Variants in ADGB observed in about 807,000 individuals in gnomAD.
ADGB encodes calpain-7-like protein.
In ADGB, 172 loss-of-function variants were observed where a neutral mutation model predicts 210.5. That is an observed-to-expected ratio of 0.82 (90% CI 0.72 to 0.93). The LOEUF (loss-of-function observed/expected upper bound fraction) is 0.93. ADGB is among the 40% of genes least tolerant of loss of function. The pLI, the probability that ADGB is intolerant of heterozygous loss-of-function variation, is 0.00. For missense variants in ADGB, 2,025 were observed against 1,964.8 expected (o/e 1.03, Z -0.58); for synonymous variants, 658 against 662.7 (o/e 0.99, Z 0.11).
intron 25 of ADGB, among the ~76,000 whole-genome samples, chr6:146,743,135 G>C (rs1348833595): frequency 6.6e-6 from 1 of 152,016 alleles, no homozygotes; most frequent in Non-Finnish European, 1.5e-5. Flanking sequence ...ACTTCCTTTT[G>C]AATAGAAACA....
intron 5 of ADGB, among the ~76,000 whole-genome samples, chr6:146,663,077 AT>A (rs1775885832): frequency 7.0e-6 from 1 of 143,716 alleles, no homozygotes; most frequent in Non-Finnish European, 1.5e-5. Context: ...AAGGTCATAT[AT>A]TTATATAATT....
chr6:146,642,681 T>C (rs989428055), intron 2 of ADGB, among the ~76,000 whole-genome samples: 1 of 151,930 alleles, frequency 6.6e-6, no homozygotes, highest in African/African-American at 2.4e-5. Flanking sequence ...ATACCACACA[T>C]TCTCACTTCT....
At position 146,741,265 on chromosome 6, in the gene ADGB, G is replaced by C; in HGVS notation, c.3171G>C (p.Lys1057Asn). The change falls in exon 25 of 36, where the codon AAG becomes AAC. Residue 1057 changes from lysine to asparagine, a missense_variant. Coordinates refer to ENST00000397944, the MANE Select transcript of ADGB (RefSeq NM_024694.4). ...FQKVVPYLYT[K>N]NKKGYTFVAE... is the part of the protein sequence containing the mutation. The stretch of plus-strand genomic sequence containing the variant: ...AAGTGGTGCCTTATCTTTATACCAA[G>C]AATAAGGTAGGTATAAAATTTATTC... The C allele has an allele frequency of 6.5e-7, 1 of 1,550,116 alleles. No homozygotes were observed. Among genetic ancestry groups the C allele is most frequent in the Non-Finnish European group, 8.7e-7 (1 of 1,146,266 alleles).
At chr6:146,730,999 G>T (rs1037348843) in intron 20 of ADGB, among the ~76,000 whole-genome samples, 6 of 152,150 alleles carry the variant, frequency 3.9e-5, no homozygotes, top group Non-Finnish European at 8.8e-5. Context: ...AACAGAGAGA[G>T]ATAACTTATC....
intron 1 of ADGB, among the ~76,000 whole-genome samples, chr6:146,633,221 G>A (rs997894755): frequency 6.6e-6 from 1 of 152,082 alleles, no homozygotes; most frequent in Non-Finnish European, 1.5e-5. Flanking sequence ...TAAAGTATAT[G>A]CAGAATCTAT....
chr6:146,775,990 T>C (rs1277226350), intron 29 of ADGB, among the ~76,000 whole-genome samples: 1 of 152,108 alleles, frequency 6.6e-6, no homozygotes. Flanking sequence ...ATTTTAATCA[T>C]AAAAACAAAA....
intron 35 of ADGB, among the ~76,000 whole-genome samples, chr6:146,807,989 TCA>T (rs1161559437): frequency 7.2e-6 from 1 of 139,434 alleles, no homozygotes; most frequent in Non-Finnish European, 1.5e-5. Context: ...TAACTATGCT[TCA>T]GTTTTTTTTT....
chr6:146,672,129 C>A, intron 7 of ADGB, 91 bp from the exon 8 acceptor site: 7 of 1,376,706 alleles, frequency 5.1e-6, no homozygotes, highest in Non-Finnish European at 6.7e-6. Flanking sequence ...CATTAAATAG[C>A]AAGTTGATTT....
intron 29 of ADGB, among the ~76,000 whole-genome samples, chr6:146,771,906 G>C (rs1777657865): frequency 6.6e-6 from 1 of 152,180 alleles, no homozygotes; most frequent in African/African-American, 2.4e-5. Flanking sequence ...CAATGGATCA[G>C]AGAATGACAG....
intron 25 of ADGB, among the ~76,000 whole-genome samples, chr6:146,743,574 C>T (rs896234349): frequency 6.6e-6 from 1 of 152,180 alleles, no homozygotes; most frequent in Non-Finnish European, 1.5e-5. Context: ...CTTCCTGTCT[C>T]ATATTTTATC....
intron 27 of ADGB, among the ~76,000 whole-genome samples, chr6:146,755,038 T>C (rs968166021): frequency 3.9e-5 from 6 of 152,086 alleles, no homozygotes; most frequent in African/African-American, 1.4e-4. Context: ...GTTTTACATA[T>C]GTATATGCTA....
intron 26 of ADGB, among the ~76,000 whole-genome samples, chr6:146,747,231 T>C (rs1583619836): frequency 6.6e-6 from 1 of 152,224 alleles, no homozygotes; most frequent in South Asian, 2.1e-4. Flanking sequence ...CTCTTTTTAA[T>C]ATACACTTCT....
intron 16 of ADGB, among the ~76,000 whole-genome samples, chr6:146,718,660 T>G (rs1206745034): frequency 6.6e-6 from 1 of 152,218 alleles, no homozygotes; most frequent in Non-Finnish European, 1.5e-5. Context: ...TTACATGTTG[T>G]CCTGTCATAG....
In ADGB at chr6:146,599,098, T is replaced by C. The variant is rs566840991; in HGVS notation, c.58T>C (p.Ser20Pro). The C allele has an allele frequency of 3.2e-6, 5 of 1,551,648 alleles. No individual in the cohort carries two copies. In the African/African-American group the frequency reaches 6.8e-5, roughly 21 times the overall value. ...GCATCGTATCAACTCGGCGCACGGA[T>C]CGGATAAATCGAAAGAGTAAGGGAC... Reference protein sequence around the residue: ...EVHRINSAHGSDKSKDFYPFG... With the variant: ...EVHRINSAHGPDKSKDFYPFG... Residue 20 changes from serine (S) to proline (P), a missense_variant, in exon 1 of 36, where the codon TCG becomes CCG. Ser to Pro is a moderately conservative substitution (Grantham distance 74, BLOSUM62 -1). Transcript: ENST00000397944.
At chr6:146,622,368 C>T (rs529166665) in intron 1 of ADGB, among the ~76,000 whole-genome samples, 1 of 152,182 alleles carries the variant, frequency 6.6e-6, no homozygotes, top group South Asian at 2.1e-4. Flanking sequence ...GGAAAGAATC[C>T]ACTTTCAAGC....
chr6:146,694,146 C>A (rs1776373136), intron 12 of ADGB, among the ~76,000 whole-genome samples: 1 of 152,144 alleles, frequency 6.6e-6, no homozygotes, highest in Non-Finnish European at 1.5e-5. Context: ...GCTGCTTCCA[C>A]ATTTTAGGTA....
chr6:146,693,561 G>T (rs2114925276), intron 12 of ADGB, among the ~76,000 whole-genome samples: 1 of 152,280 alleles, frequency 6.6e-6, no homozygotes, highest in Admixed American at 6.5e-5. Flanking sequence ...AACAAATACG[G>T]ACTTTGGTAC....
chr6:146,746,130 G>T (rs562926128), intron 26 of ADGB, 21 bp downstream of exon 26: 1 of 1,432,814 alleles, frequency 7.0e-7, no homozygotes, highest in East Asian at 2.5e-5. Flanking sequence ...ATGACAGAAG[G>T]GGAAAGGCAT....
intron 9 of ADGB, among the ~76,000 whole-genome samples, chr6:146,681,924 T>C (rs954405565): frequency 7.9e-5 from 12 of 152,132 alleles, no homozygotes; most frequent in Non-Finnish European, 1.6e-4. Context: ...AGTGGACATG[T>C]TACTTAACCT....
Sources: gnomAD v4.1 joint callset for allele counts (sites outside exome capture counted in the v4.1 genomes callset) on GRCh38, gnomAD v4.1.1 for gene constraint, MANE v1.5 for transcripts, NCBI Gene and HGNC (gene_info 2026-07-23, HGNC 2026-07-21) for gene names.